Variants in REPS2 observed in about 807,000 individuals in gnomAD.
REPS2 encodes the protein ralBP1-associated Eps domain-containing protein 2.
Under a neutral mutation model 53.6 loss-of-function variants are expected in REPS2, and 23 were observed. The ratio of observed to expected loss-of-function variants is 0.43; its 90% confidence interval spans 0.31 to 0.61. The LOEUF is 0.61. Ranked by LOEUF, REPS2 falls within the 20% of genes least tolerant of loss-of-function variation. The probability of loss-of-function intolerance (pLI) is 0.11; values close to 1 mark genes in which losing one functional copy is unlikely to be tolerated. For missense variants in REPS2, 446 were observed against 534.9 expected, an observed-to-expected ratio of 0.83 and a Z score of 1.64; for synonymous variants, 238 against 218.6, an observed-to-expected ratio of 1.09 and a Z score of -0.78.
chrX:16,953,726 T>TA (rs1231860141), intron 1 of REPS2, among the ~76,000 whole-genome samples: 2 of 111,629 alleles, frequency 1.8e-5, no homozygotes, highest in South Asian at 7.4e-4. Flanking sequence ...CTTTACTACT[T>TA]ACGTTTACAA....
chrX:17,068,419 C>T lies in REPS2; in HGVS notation c.1227C>T (p.Asp409=). The change falls in exon 10 of 18, where the codon GAC becomes GAT. Residue 409 remains aspartate (D), a synonymous_variant. Transcript: ENST00000357277. ...LNRMEKTSVK[D]MADLPVPNQD... ...TTTCAAAGAAGACATCTGTTAAAGACATGGCTGACCTTCCTGTCCCTAACC... is the reference window on the plus strand; with the variant it reads ...TTTCAAAGAAGACATCTGTTAAAGATATGGCTGACCTTCCTGTCCCTAACC... 5 of 1,204,022 alleles carry T rather than the reference C, an allele frequency of 4.2e-6. No homozygotes were observed. The highest frequency in any genetic ancestry group is 5.6e-6 in the Non-Finnish European group (5 of 889,266).
intron 1 of REPS2, among the ~76,000 whole-genome samples, chrX:16,975,432 C>T (rs1313519106): frequency 9.0e-6 from 1 of 111,579 alleles, no homozygotes; most frequent in African/African-American, 3.3e-5. Flanking sequence ...GATGTTATCT[C>T]ATTGTGGTTT....
intron 17 of REPS2, among the ~76,000 whole-genome samples, chrX:17,142,914 C>G (rs760384360): frequency 4.5e-5 from 5 of 112,052 alleles, no homozygotes; most frequent in Non-Finnish European, 9.4e-5. Flanking sequence ...CATGATAGCC[C>G]AAACCTGGAA....
In REPS2 at chrX:16,951,883, T is replaced by A. The variant is rs766149660; in HGVS notation, c.273+4749T>A. On this transcript the variant is annotated intron_variant, in intron 1 of 17. Transcript: ENST00000357277. The stretch of plus-strand genomic sequence containing the variant: ...TTAAAATTGGTTTTCATTAAAAAAA[T>A]TTTTTTAACATATACACATCTTATT... 8.9e-5 allele frequency among the ~76,000 whole-genome samples: 10 copies of A among 112,033 alleles called. No individual in the cohort carries two copies. The East Asian group carries it at 1.4e-3, about 16-fold the overall frequency.
At chrX:16,999,512 C>T (rs912383094) in intron 1 of REPS2, among the ~76,000 whole-genome samples, 1 of 109,407 alleles carries the variant, frequency 9.1e-6, no homozygotes, top group South Asian at 3.9e-4. Flanking sequence ...AGATCTGGGC[C>T]ATAACCTATG....
At chrX:16,960,977 C>G (rs937020633) in intron 1 of REPS2, among the ~76,000 whole-genome samples, 3 of 112,142 alleles carry the variant, frequency 2.7e-5, no homozygotes, top group African/African-American at 9.7e-5. Context: ...AAAGATATGC[C>G]ATGTTTATGC....
intron 1 of REPS2, among the ~76,000 whole-genome samples, chrX:16,968,415 C>T (rs1161620418): frequency 5.2e-4 from 58 of 110,777 alleles, no homozygotes; most frequent in African/African-American, 1.7e-3. Flanking sequence ...CCAGTAGGGG[C>T]GGCCGGGCAG....
chrX:16,967,749 C>T (rs1436947036), intron 1 of REPS2, among the ~76,000 whole-genome samples: 2 of 110,789 alleles, frequency 1.8e-5, no homozygotes, highest in Non-Finnish European at 3.8e-5. Context: ...TTCTTTCTTC[C>T]ACTAAACGTT....
At chrX:17,168,113 A>G in the REPS2 span, among the ~76,000 whole-genome samples, 2 of 111,988 alleles carry the variant, frequency 1.8e-5, no homozygotes, top group Admixed American at 1.9e-4. Context: ...AAGTCGGCAC[A>G]TGTATCTTTC....
At chrX:17,128,484 A>T (rs1026034417) in intron 14 of REPS2, among the ~76,000 whole-genome samples, 2 of 111,606 alleles carry the variant, frequency 1.8e-5, no homozygotes, top group Admixed American at 1.9e-4. Context: ...TCAGTAGCTA[A>T]CACTCAGAGC....
At chrX:17,192,714 C>T in the REPS2 span, among the ~76,000 whole-genome samples, 7 of 112,130 alleles carry the variant, frequency 6.2e-5, no homozygotes, top group African/African-American at 1.3e-4. Context: ...ACCCAAATAA[C>T]CACTACCCAC....
chrX:16,988,836 A>G (rs2061124557), intron 1 of REPS2, among the ~76,000 whole-genome samples: 1 of 112,354 alleles, frequency 8.9e-6, no homozygotes, highest in South Asian at 3.6e-4. Context: ...GGAACATACC[A>G]TGTTCCAGGA....
chrX:17,091,915 G>C (rs1286640520), intron 13 of REPS2, among the ~76,000 whole-genome samples: 1 of 112,232 alleles, frequency 8.9e-6, no homozygotes, highest in Non-Finnish European at 1.9e-5. Context: ...TTAAAGCTTT[G>C]CATGTGGCTC....
chrX:17,039,664 A>G (rs1005906586), intron 5 of REPS2, among the ~76,000 whole-genome samples: 1 of 112,179 alleles, frequency 8.9e-6, no homozygotes, highest in Non-Finnish European at 1.9e-5. Context: ...ATGAACAGAT[A>G]GAGATAACTA....
Position 16,947,070 on chromosome X carries a change from C to G in REPS2, c.209C>G (p.Ala70Gly). ...AGAGTCGCCCCCGGCACGGCCACTG[C>G]GGCCGCCGGCCCCGTGGCTGACCTG... The part of the protein sequence containing the change: ...AARVAPGTAT[A>G]AAGPVADLFR... Residue 70 changes from alanine to glycine, a missense_variant, in exon 1 of 18, where the codon GCG becomes GGG. Transcript: ENST00000357277. 1 of 1,061,363 alleles carries G rather than the reference C, an allele frequency of 9.4e-7. No homozygotes were observed. Among genetic ancestry groups the G allele is most frequent in the Non-Finnish European group, 1.2e-6 (1 of 825,168 alleles). 87.5% of individuals were successfully genotyped at this position (1,061,363 alleles called of 1,213,427 possible).
chrX:17,164,817 TGAAATAGAAAATATAAAAACAATAGA>T, the REPS2 span, among the ~76,000 whole-genome samples: 2 of 110,796 alleles, frequency 1.8e-5, no homozygotes, highest in Non-Finnish European at 3.8e-5. Context: ...TGGAAATTAA[TGAAATAGAAAATATAAAAACAATAGA>T]GAAATAGAAA....
chrX:17,025,139 C>T lies in REPS2; in HGVS notation c.627C>T (p.Ser209=). ...SPPHYQRVPL[S]HGYSKLRSSA... is the part of the protein sequence containing the mutation. ...CTCATTACCAGAGGGTGCCCTTGAG[C>T]CATGGCTACAGCAAACTGCGGAGCA... Residue 209 remains serine, a synonymous_variant, in exon 4 of 18, where the codon AGC becomes AGT. Transcript: ENST00000357277. The T allele has an allele frequency of 8.3e-7, 1 of 1,211,780 alleles. No individual in the cohort carries two copies. Among genetic ancestry groups the T allele is most frequent in the African/African-American group, 1.7e-5 (1 of 57,810 alleles).
downstream of REPS2, among the ~76,000 whole-genome samples, chrX:17,156,424 A>G (rs997864916): frequency 1.8e-5 from 2 of 109,303 alleles, no homozygotes; most frequent in Admixed American, 2.0e-4. Context: ...ATATATATAT[A>G]TGTATTTTAA....
At chrX:16,989,264 A>C (rs1044654691) in intron 1 of REPS2, among the ~76,000 whole-genome samples, 3 of 111,007 alleles carry the variant, frequency 2.7e-5, no homozygotes, top group Non-Finnish European at 3.8e-5. Flanking sequence ...AAAAAAAAAA[A>C]AACTCTTGCT....
Sources: allele counts gnomAD v4.1 joint callset (sites outside exome capture counted in the v4.1 genomes callset), GRCh38; gene constraint gnomAD v4.1.1; transcripts MANE v1.5; gene names NCBI Gene and HGNC (gene_info 2026-07-23, HGNC 2026-07-21).